Variants in WWTR1 observed in about 807,000 individuals in gnomAD.
WWTR1 encodes the protein WW domain containing transcription regulator 1.
A neutral mutation model predicts 40.1 loss-of-function variants in WWTR1; 13 were observed. The observed-to-expected ratio is 0.32, with a 90% CI of 0.21 to 0.52. The LOEUF (loss-of-function observed/expected upper bound fraction) is 0.52. Ranked by LOEUF, WWTR1 falls within the 20% of genes least tolerant of loss-of-function variation. The pLI, the probability that WWTR1 is intolerant of heterozygous loss-of-function variation, is 0.97. For synonymous variants in WWTR1, 230 were observed against 210.1 expected (o/e 1.09, Z -0.82); for missense variants, 436 against 523.1 (o/e 0.83, Z 1.63).
intron 3 of WWTR1, among the ~76,000 whole-genome samples, chr3:149,558,592 C>CT (rs1271933555): frequency 2.0e-5 from 3 of 152,194 alleles, no homozygotes; most frequent in Non-Finnish European, 4.4e-5. Context: ...CTAATGTCAC[C>CT]TATAGTGGAA....
chr3:149,607,390 C>T (rs890303111), intron 2 of WWTR1, among the ~76,000 whole-genome samples: 1 of 152,198 alleles, frequency 6.6e-6, no homozygotes, highest in African/African-American at 2.4e-5. Flanking sequence ...TATTGGCTCA[C>T]TGCAACCTCC....
intron 3 of WWTR1, among the ~76,000 whole-genome samples, chr3:149,569,309 A>C (rs908237558): frequency 1.3e-5 from 2 of 152,204 alleles, no homozygotes; most frequent in Non-Finnish European, 2.9e-5. Flanking sequence ...AATATAAAAT[A>C]TTTTTTGCCA....
upstream of WWTR1, among the ~76,000 whole-genome samples, chr3:149,706,102 A>G (rs534834322): frequency 9.9e-4 from 151 of 152,266 alleles, no homozygotes; most frequent in Non-Finnish European, 1.7e-3. Context: ...GGGCTGAGGC[A>G]GGAGGATTGC....
chr3:149,548,031 T>C (rs2107948888), intron 3 of WWTR1, among the ~76,000 whole-genome samples: 1 of 130,056 alleles, frequency 7.7e-6, no homozygotes, highest in East Asian at 2.6e-4. Flanking sequence ...GTGTCCTTGG[T>C]GAAGCAAACA....
chr3:149,701,336 C>T (rs980523196), intron 1 of WWTR1, among the ~76,000 whole-genome samples: 11 of 152,102 alleles, frequency 7.2e-5, no homozygotes, highest in African/African-American at 2.7e-4. Context: ...AAGGCCTTTC[C>T]GATCACCTGT....
At chr3:149,607,374 G>A (rs1739535402) in intron 2 of WWTR1, among the ~76,000 whole-genome samples, 1 of 152,144 alleles carries the variant, frequency 6.6e-6, no homozygotes, top group Non-Finnish European at 1.5e-5. Context: ...GAGTGCAGTA[G>A]CGTGATATTG....
At chr3:149,628,737 T>TATTTTATTTTATTTTA (rs1353160159) in intron 2 of WWTR1, among the ~76,000 whole-genome samples, 1 of 144,650 alleles carries the variant, frequency 6.9e-6, no homozygotes, top group African/African-American at 2.6e-5. Flanking sequence ...CTTTTTATTT[T>TATTTTATTTTATTTTA]TTTTATTTTA....
chr3:149,650,663 A>G (rs911732622), intron 2 of WWTR1, among the ~76,000 whole-genome samples: 4 of 151,488 alleles, frequency 2.6e-5, no homozygotes, highest in African/African-American at 7.3e-5. Context: ...TTCCTCCCCT[A>G]TCCCACACAC....
At chr3:149,694,266 C>T (rs757539518) in intron 1 of WWTR1, among the ~76,000 whole-genome samples, 55 of 152,046 alleles carry the variant, frequency 3.6e-4, no homozygotes, top group African/African-American at 1.2e-3. Flanking sequence ...TGGTGGCAGG[C>T]GCCTGTAATC....
chr3:149,565,307 CT>C (rs63069960), intron 3 of WWTR1, among the ~76,000 whole-genome samples: 1,606 of 145,566 alleles, frequency 0.011, 27 homozygotes, highest in East Asian at 0.073. Context: ...TAGCATACTA[CT>C]TTTTTTTTTT....
chr3:149,689,303 C>A (rs1407995288), intron 1 of WWTR1, among the ~76,000 whole-genome samples: 1 of 148,922 alleles, frequency 6.7e-6, no homozygotes, highest in Non-Finnish European at 1.5e-5. Flanking sequence ...ATTGCTTGAG[C>A]CCAGGAGGTG....
chr3:149,673,101 T>C (rs1482130187), intron 1 of WWTR1, among the ~76,000 whole-genome samples: 3 of 152,182 alleles, frequency 2.0e-5, no homozygotes, highest in Non-Finnish European at 4.4e-5. Context: ...ATAGGCCAGG[T>C]ACAGTGGCTC....
At chr3:149,700,110 A>C (rs1715125401) in intron 1 of WWTR1, among the ~76,000 whole-genome samples, 1 of 152,210 alleles carries the variant, frequency 6.6e-6, no homozygotes, top group Non-Finnish European at 1.5e-5. Context: ...CAGAAGGCAA[A>C]GTGGGAGCAG....
chr3:149,685,331 A>G lies in WWTR1; in HGVS notation c.-107-15440T>C, dbSNP rs556698527. On this transcript the variant is annotated intron_variant, in intron 1 of 7. Transcript: ENST00000465804. ...GATAACTATAAGATCACCACGCCCAACAGAGAAAACCAGTCTGGAGAAAAT... is the reference window on the plus strand; with the variant it reads ...GATAACTATAAGATCACCACGCCCAGCAGAGAAAACCAGTCTGGAGAAAAT... Among the ~76,000 whole-genome samples the G allele has an allele frequency of 6.6e-5, 10 of 152,328 alleles. No homozygotes were observed. The South Asian group carries it at 8.3e-4, about 13-fold the overall frequency.
intron 2 of WWTR1, among the ~76,000 whole-genome samples, chr3:149,589,795 GGAATGAAT>G (rs10538955): frequency 0.17 from 25,982 of 151,318 alleles, 2,707 homozygotes; most frequent in East Asian, 0.48. Context: ...CTGAATTAAA[GGAATGAAT>G]GAATGAATGA....
chr3:149,715,683 C>T (rs749224454), intron 5 of WWTR1, among the ~76,000 whole-genome samples: 14 of 152,182 alleles, frequency 9.2e-5, no homozygotes, highest in Non-Finnish European at 1.6e-4. Context: ...GCCAGAAAAG[C>T]GACATCCCAA....
chr3:149,546,570 C>T (rs1576550383), intron 3 of WWTR1, among the ~76,000 whole-genome samples: 3 of 152,206 alleles, frequency 2.0e-5, no homozygotes, highest in Admixed American at 1.3e-4. Flanking sequence ...GCGAGCACCT[C>T]GGCAGAAGAA....
intron 2 of WWTR1, among the ~76,000 whole-genome samples, chr3:149,610,489 T>A (rs1485427189): frequency 6.6e-6 from 1 of 152,192 alleles, no homozygotes; most frequent in Admixed American, 6.5e-5. Context: ...TAATAGCAGA[T>A]TTAAAGAAAC....
At chr3:149,605,201 G>A (rs1739429948) in intron 2 of WWTR1, among the ~76,000 whole-genome samples, 1 of 152,140 alleles carries the variant, frequency 6.6e-6, no homozygotes. Context: ...TGCCAAACGA[G>A]GAGCTTCAAA....
Sources: allele counts gnomAD v4.1 joint callset (sites outside exome capture counted in the v4.1 genomes callset), GRCh38; gene constraint gnomAD v4.1.1; transcripts MANE v1.5; gene names NCBI Gene and HGNC (gene_info 2026-07-23, HGNC 2026-07-21).